The following NHS variants were observed in gnomAD, a reference collection of about 807,000 sequenced individuals.
NHS encodes actin remodeling regulator NHS.
In NHS, 5 loss-of-function variants were observed where a neutral mutation model predicts 72.5. The observed-to-expected ratio is 0.07, with a 90% CI of 0.04 to 0.14. The LOEUF (loss-of-function observed/expected upper bound fraction) is 0.14, where lower values mean the gene tolerates loss of function less well. NHS is among the 10% of genes least tolerant of loss of function. The probability of loss-of-function intolerance (pLI) is 1.00; values close to 1 mark genes in which losing one functional copy is unlikely to be tolerated. For missense variants in NHS, 1,072 were observed against 1,355.7 expected (o/e 0.79, Z 3.29); for synonymous variants, 464 against 547.7 (o/e 0.85, Z 2.13).
chrX:17,539,042 T>C (rs2065249223), intron 1 of NHS, among the ~76,000 whole-genome samples: 1 of 112,137 alleles, frequency 8.9e-6, no homozygotes, highest in South Asian at 3.7e-4. Context: ...CCCACATGCG[T>C]CTCTCATGAC....
chrX:17,478,981 T>G (rs1268729261), intron 1 of NHS, among the ~76,000 whole-genome samples: 1 of 111,779 alleles, frequency 8.9e-6, no homozygotes, highest in Non-Finnish European at 1.9e-5. Flanking sequence ...GGTATACACA[T>G]GCCATGGTGG....
At chrX:17,498,037 G>A (rs1007382921) in intron 1 of NHS, among the ~76,000 whole-genome samples, 3 of 111,808 alleles carry the variant, frequency 2.7e-5, no homozygotes, top group African/African-American at 6.5e-5. Flanking sequence ...AATTAAATCC[G>A]AATCACTAAG....
At chrX:17,435,781 T>C (rs1395129289) in intron 1 of NHS, among the ~76,000 whole-genome samples, 1 of 112,234 alleles carries the variant, frequency 8.9e-6, no homozygotes, top group East Asian at 2.8e-4. Context: ...CTGGTCAGCA[T>C]GGGGTCCTGC....
intron 1 of NHS, among the ~76,000 whole-genome samples, chrX:17,468,244 T>G (rs1050772786): frequency 9.0e-6 from 1 of 111,153 alleles, no homozygotes; most frequent in Non-Finnish European, 1.9e-5. Context: ...TCATCTAAAA[T>G]AAAAAAAGAA....
chrX:17,569,369 G>A, intron 1 of NHS, among the ~76,000 whole-genome samples: 1 of 105,165 alleles, frequency 9.5e-6, no homozygotes, highest in South Asian at 3.9e-4. Context: ...TAAAACTGGT[G>A]TGAGATGGTA....
At chrX:17,478,351 C>T (rs765819948) in intron 1 of NHS, among the ~76,000 whole-genome samples, 2 of 112,142 alleles carry the variant, frequency 1.8e-5, no homozygotes, top group South Asian at 7.5e-4. Context: ...CTCTAACGTG[C>T]TCAAGATGAA....
intron 1 of NHS, among the ~76,000 whole-genome samples, chrX:17,564,866 G>A (rs938218064): frequency 3.6e-5 from 4 of 112,327 alleles, no homozygotes; most frequent in African/African-American, 1.3e-4. Flanking sequence ...TTTCAAAGGC[G>A]AGTCCAGTGT....
At chrX:17,576,045 A>C (rs1013949235) in intron 1 of NHS, among the ~76,000 whole-genome samples, 3 of 111,721 alleles carry the variant, frequency 2.7e-5, no homozygotes, top group Non-Finnish European at 5.6e-5. Context: ...TTGTGGCAGG[A>C]TGCAGAGTGA....
chrX:17,629,885 T>C (rs755750492), intron 1 of NHS, among the ~76,000 whole-genome samples: 4 of 110,407 alleles, frequency 3.6e-5, no homozygotes, highest in Non-Finnish European at 7.6e-5. Flanking sequence ...AACAGGTCAG[T>C]GGTGAATACA....
chrX:17,462,806 T>C (rs112206766), intron 1 of NHS, among the ~76,000 whole-genome samples: 1,176 of 111,818 alleles, frequency 0.011, 15 homozygotes, highest in African/African-American at 0.036. Context: ...TTACACTTTA[T>C]TTCACAGTCT....
intron 1 of NHS, among the ~76,000 whole-genome samples, chrX:17,577,336 C>T (rs776323420): frequency 9.0e-6 from 1 of 111,651 alleles, no homozygotes; most frequent in African/African-American, 3.3e-5. Flanking sequence ...AAAATAAAGG[C>T]GACTTTTGGA....
chrX:17,430,208 CCTTCCTTG>C (rs1182511139), intron 1 of NHS, among the ~76,000 whole-genome samples: 1 of 77,794 alleles, frequency 1.3e-5, no homozygotes, highest in Non-Finnish European at 2.4e-5. Context: ...TCCCTCCCTT[CCTTCCTTG>C]CTTCCTTCCT....
chrX:17,476,632 T>C (rs2064919841), intron 1 of NHS, among the ~76,000 whole-genome samples: 1 of 111,182 alleles, frequency 9.0e-6, no homozygotes, highest in Non-Finnish European at 1.9e-5. Context: ...AGTGAGAATA[T>C]GATACAGGGA....
At chrX:17,409,814 G>A (rs1224596220) in intron 1 of NHS, among the ~76,000 whole-genome samples, 1 of 112,159 alleles carries the variant, frequency 8.9e-6, no homozygotes, top group East Asian at 2.8e-4. Flanking sequence ...ATCTTACTAA[G>A]AAGGAGGAGA....
At chrX:17,697,451 A>G (rs2066238039) in intron 3 of NHS, among the ~76,000 whole-genome samples, 1 of 111,929 alleles carries the variant, frequency 8.9e-6, no homozygotes, top group Non-Finnish European at 1.9e-5. Flanking sequence ...AAGGTCAATG[A>G]AAGAATATAT....
intron 1 of NHS, among the ~76,000 whole-genome samples, chrX:17,636,657 G>A (rs2065849563): frequency 8.9e-6 from 1 of 112,137 alleles, no homozygotes; most frequent in Non-Finnish European, 1.9e-5. Context: ...CCAACACCGT[G>A]TATGCAGCCT....
At chrX:17,722,420 A>G (rs1191521750) in intron 5 of NHS, among the ~76,000 whole-genome samples, 1 of 112,070 alleles carries the variant, frequency 8.9e-6, no homozygotes, top group Non-Finnish European at 1.9e-5. Context: ...TTGTATATTG[A>G]AAATTTCAAA....
intron 1 of NHS, among the ~76,000 whole-genome samples, chrX:17,408,954 G>GGAGAGA (rs369974924): frequency 1.9e-5 from 2 of 103,415 alleles, no homozygotes; most frequent in African/African-American, 7.3e-5. Context: ...GACGGAGAGA[G>GGAGAGA]GAGAGAGAGA....
intron 1 of NHS, among the ~76,000 whole-genome samples, chrX:17,429,239 T>TGTGTGTGTGTGC (rs1486268394): frequency 4.6e-5 from 5 of 107,536 alleles, no homozygotes; most frequent in African/African-American, 1.8e-4. Context: ...TGTGTGTGTG[T>TGTGTGTGTGTGC]GTGTGTGTGT....
Sources: gnomAD v4.1 joint callset for allele counts (sites outside exome capture counted in the v4.1 genomes callset) on GRCh38, gnomAD v4.1.1 for gene constraint, MANE v1.5 for transcripts, NCBI Gene and HGNC (gene_info 2026-07-23, HGNC 2026-07-21) for gene names.